Variants in CSMD3 observed in about 807,000 individuals in gnomAD.
CSMD3 encodes CUB and sushi domain-containing protein 3.
In CSMD3, 177 loss-of-function variants were observed where a neutral mutation model predicts 435.2. That is an observed-to-expected ratio of 0.41 (90% CI 0.36 to 0.46). CSMD3 has a LOEUF of 0.46. Ranked by LOEUF, CSMD3 falls within the 20% of genes least tolerant of loss-of-function variation. The pLI is 0.34. For missense variants in CSMD3, 4,265 were observed against 4,504.6 expected (o/e 0.95, Z 1.52); for synonymous variants, 1,656 against 1,520.5 (o/e 1.09, Z -2.07).
chr8:112,241,819 G>A (rs763193674), intron 65 of CSMD3, 34 bp from the exon 66 acceptor site: 1 of 1,388,890 alleles, frequency 7.2e-7, no homozygotes, highest in Non-Finnish European at 1.0e-6. Context: ...TACAAAAGTT[G>A]ATGCAATTAA....
At chr8:112,431,693 T>C (rs925338878) in intron 32 of CSMD3, among the ~76,000 whole-genome samples, 7 of 152,168 alleles carry the variant, frequency 4.6e-5, no homozygotes, top group Non-Finnish European at 1.0e-4. Flanking sequence ...TATTTTTAGC[T>C]GACCCATGCT....
chr8:112,945,085 T>C (rs2083562143), intron 9 of CSMD3, among the ~76,000 whole-genome samples: 1 of 151,690 alleles, frequency 6.6e-6, no homozygotes, highest in Non-Finnish European at 1.5e-5. Context: ...TCTCCAGAAA[T>C]CTCTGGATGT....
At chr8:112,708,011 T>A (rs1022648444) in intron 13 of CSMD3, among the ~76,000 whole-genome samples, 1 of 152,078 alleles carries the variant, frequency 6.6e-6, no homozygotes, top group Non-Finnish European at 1.5e-5. Flanking sequence ...AGAAAATTAT[T>A]AGTTACATGA....
intron 5 of CSMD3, among the ~76,000 whole-genome samples, chr8:113,030,213 C>A (rs894334283): frequency 4.6e-5 from 7 of 150,634 alleles, no homozygotes; most frequent in African/African-American, 1.7e-4. Context: ...CAAAAGCAAT[C>A]TACAAATTCA....
chr8:112,527,365 A>T (rs923431636), intron 27 of CSMD3, among the ~76,000 whole-genome samples: 2 of 151,824 alleles, frequency 1.3e-5, no homozygotes, highest in African/African-American at 4.8e-5. Context: ...GGGTCAAAAA[A>T]GGGTCAAAAA....
At chr8:112,731,666 CCA>C (rs769455757) in intron 13 of CSMD3, among the ~76,000 whole-genome samples, 144 of 152,070 alleles carry the variant, frequency 9.5e-4, no homozygotes, top group Non-Finnish European at 1.5e-3. Context: ...ATTGCATTTG[CCA>C]CAGTGTATTT....
At chr8:112,854,147 C>CA (rs1309703836) in intron 11 of CSMD3, among the ~76,000 whole-genome samples, 2 of 152,174 alleles carry the variant, frequency 1.3e-5, no homozygotes, top group Non-Finnish European at 2.9e-5. Context: ...GCCTGTGTAA[C>CA]AATTCCCCAA....
At position 112,390,054 on chromosome 8, in the gene CSMD3, C is replaced by T. The variant is rs188284730; in HGVS notation, c.5934+610G>A. Among the ~76,000 whole-genome samples the T allele has an allele frequency of 5.3e-4, 81 of 152,256 alleles. 1 individual carries two copies. The South Asian group carries it at 5.6e-3, about 11-fold the overall frequency. On this transcript the variant is annotated intron_variant, in intron 36 of 70. Coordinates refer to ENST00000297405, the MANE Select transcript of CSMD3 (RefSeq NM_198123.2). ...AGGAGGCTGCACTTATTGCTTACTC[C>T]TGATACGTAATATAGTTTTATTTGA... is the stretch of plus-strand genomic sequence containing the variant.
intron 10 of CSMD3, among the ~76,000 whole-genome samples, chr8:112,897,072 T>A (rs1355725337): frequency 1.3e-5 from 2 of 151,502 alleles, no homozygotes; most frequent in African/African-American, 4.8e-5. Context: ...TTAGTCATCT[T>A]TGAACTGTCA....
At chr8:112,970,462 C>A (rs1027165424) in intron 7 of CSMD3, among the ~76,000 whole-genome samples, 1 of 148,050 alleles carries the variant, frequency 6.8e-6, no homozygotes, top group East Asian at 2.0e-4. Context: ...GTAAATTATT[C>A]TGATGAATTT....
chr8:112,684,024 G>A (rs1255706617), intron 15 of CSMD3, among the ~76,000 whole-genome samples: 1 of 151,544 alleles, frequency 6.6e-6, no homozygotes, highest in Admixed American at 6.6e-5. Context: ...TCATTAGTAA[G>A]CATTAAATAA....
chr8:112,712,499 G>T (rs1044501127), intron 13 of CSMD3, among the ~76,000 whole-genome samples: 3 of 152,068 alleles, frequency 2.0e-5, no homozygotes, highest in African/African-American at 7.2e-5. Flanking sequence ...AGGACAGGAG[G>T]CCCCGCAACT....
Position 112,503,772 on chromosome 8 carries a change from T to G in CSMD3, c.5083+18A>C, listed in dbSNP as rs942539733. 6.4e-7 allele frequency: 1 copy of G among 1,556,164 alleles called. No individual in the cohort carries two copies. Among genetic ancestry groups the G allele is most frequent in the South Asian group, 1.1e-5 (1 of 89,452 alleles). ...TATAATTTAAATCATGATACTAACA[T>G]GGAATGTTCATATTTACCTTTGTAT... On this transcript the variant is annotated intron_variant, in intron 30 of 70. Coordinates refer to ENST00000297405, the MANE Select transcript of CSMD3 (RefSeq NM_198123.2).
intron 1 of CSMD3, among the ~76,000 whole-genome samples, chr8:113,317,269 C>A (rs1463683988): frequency 2.6e-5 from 4 of 152,108 alleles, no homozygotes; most frequent in Admixed American, 2.6e-4. Context: ...AGCTATCACC[C>A]ATTTCTATTA....
intron 1 of CSMD3, among the ~76,000 whole-genome samples, chr8:113,320,032 T>C (rs1270018622): frequency 6.6e-6 from 1 of 152,026 alleles, no homozygotes; most frequent in Non-Finnish European, 1.5e-5. Flanking sequence ...TTCTGGGAGC[T>C]GACAATCTAA....
At chr8:112,511,080 C>T (rs1233723361) in intron 28 of CSMD3, among the ~76,000 whole-genome samples, 1 of 151,990 alleles carries the variant, frequency 6.6e-6, no homozygotes, top group African/African-American at 2.4e-5. Context: ...AGTTTCAGAC[C>T]CCCACAATAA....
At chr8:112,682,746 G>T in intron 15 of CSMD3, 110 bp from the exon 16 acceptor site, 1 of 824,592 alleles carries the variant, frequency 1.2e-6, no homozygotes, top group South Asian at 1.5e-5. Flanking sequence ...TTAAAAGGTT[G>T]TGTTTATTTC....
chr8:113,034,415 A>T (rs767583547), intron 5 of CSMD3, among the ~76,000 whole-genome samples: 2 of 151,406 alleles, frequency 1.3e-5, no homozygotes, highest in Non-Finnish European at 3.0e-5. Context: ...TAAGTGAAAG[A>T]CAACAGTCAC....
At chr8:113,302,299 A>ATATT (rs1563672602) in intron 2 of CSMD3, among the ~76,000 whole-genome samples, 3 of 6,740 alleles carry the variant, frequency 4.5e-4, no homozygotes, top group Admixed American at 2.9e-3. Context: ...AATATAATAT[A>ATATT]ATATATATAT....
Sources: allele counts gnomAD v4.1 joint callset (sites outside exome capture counted in the v4.1 genomes callset), GRCh38; gene constraint gnomAD v4.1.1; transcripts MANE v1.5; gene names NCBI Gene and HGNC (gene_info 2026-07-23, HGNC 2026-07-21).